The following CTNNA3 variants were observed in gnomAD, a reference collection of about 807,000 sequenced individuals.
CTNNA3 encodes catenin alpha 3.
A neutral mutation model predicts 95.7 loss-of-function variants in CTNNA3; 76 were observed. The observed-to-expected ratio is 0.79, with a 90% CI of 0.66 to 0.96. CTNNA3 has a LOEUF of 0.96. CTNNA3 is among the 40% of genes least tolerant of loss of function. CTNNA3 has a pLI of 0.00. For missense variants in CTNNA3, 1,191 were observed against 1,089.8 expected (o/e 1.09, Z -1.31); for synonymous variants, 431 against 374.4 (o/e 1.15, Z -1.74).
chr10:66,952,032 C>A (rs1013874900), intron 7 of CTNNA3, among the ~76,000 whole-genome samples: 1 of 152,126 alleles, frequency 6.6e-6, no homozygotes, highest in Non-Finnish European at 1.5e-5. Flanking sequence ...ATTCCAGATC[C>A]GTGACATTCA....
chr10:67,713,206 G>C (rs1298855569), intron 1 of CTNNA3, among the ~76,000 whole-genome samples: 3 of 152,234 alleles, frequency 2.0e-5, no homozygotes, highest in Non-Finnish European at 2.9e-5. Flanking sequence ...CTGGTCATTA[G>C]AGAAATGCAA....
chr10:67,563,471 C>T (rs1050493630), intron 3 of CTNNA3, among the ~76,000 whole-genome samples: 33 of 152,140 alleles, frequency 2.2e-4, no homozygotes, highest in African/African-American at 7.7e-4. Flanking sequence ...CCCTTCCTTA[C>T]ACCTTATACA....
chr10:66,348,456 G>A (rs983695384), intron 12 of CTNNA3, among the ~76,000 whole-genome samples: 24 of 152,006 alleles, frequency 1.6e-4, no homozygotes, highest in African/African-American at 5.3e-4. Context: ...GTGTGATAAT[G>A]TATATACAAT....
At chr10:67,095,293 T>C (rs1374761622) in intron 7 of CTNNA3, among the ~76,000 whole-genome samples, 1 of 151,692 alleles carries the variant, frequency 6.6e-6, no homozygotes, top group Non-Finnish European at 1.5e-5. Context: ...ATGTTAAACA[T>C]TCACGTTGCT....
intron 7 of CTNNA3, among the ~76,000 whole-genome samples, chr10:66,808,552 C>G (rs1035118856): frequency 1.3e-5 from 2 of 152,144 alleles, no homozygotes; most frequent in African/African-American, 4.8e-5. Flanking sequence ...TGAGGTTTTA[C>G]TTTCCAAAGA....
chr10:67,412,123 T>C (rs1845389368), intron 5 of CTNNA3, among the ~76,000 whole-genome samples: 1 of 152,136 alleles, frequency 6.6e-6, no homozygotes, highest in East Asian at 1.9e-4. Context: ...TACACTCCAT[T>C]GAGTTGGCAA....
intron 12 of CTNNA3, among the ~76,000 whole-genome samples, chr10:66,358,050 A>T (rs1443983683): frequency 1.3e-5 from 2 of 152,130 alleles, no homozygotes; most frequent in African/African-American, 4.8e-5. Context: ...TGTTTGTAGT[A>T]TTTTATTATT....
At chr10:65,945,411 C>G (rs192472353) in intron 17 of CTNNA3, among the ~76,000 whole-genome samples, 1 of 152,262 alleles carries the variant, frequency 6.6e-6, no homozygotes, top group Admixed American at 6.5e-5. Context: ...TTGATTGATA[C>G]TTCACGAATT....
chr10:66,359,908 C>T (rs1172708770), intron 12 of CTNNA3, among the ~76,000 whole-genome samples: 1 of 151,496 alleles, frequency 6.6e-6, no homozygotes, highest in Non-Finnish European at 1.5e-5. Flanking sequence ...CTCACTGCAA[C>T]CTCTGCCTCC....
Position 66,010,238 on chromosome 10 carries a change from A to G in CTNNA3, c.2160-21441T>C, listed in dbSNP as rs555769570. Among the ~76,000 whole-genome samples, 7 of 152,314 alleles carry G rather than the reference A, an allele frequency of 4.6e-5. No individual in the cohort carries two copies. In the East Asian group the frequency reaches 1.2e-3, roughly 25 times the overall value. On this transcript the variant is annotated intron_variant, in intron 15 of 17. Transcript: ENST00000433211. ...CTTTCCCTTGGCTAAATCAGTTCCA[A>G]ATAGAAACTGTCAATGACCATAAGG...
chr10:67,641,521 G>C (rs1839532679), intron 2 of CTNNA3, among the ~76,000 whole-genome samples: 1 of 152,144 alleles, frequency 6.6e-6, no homozygotes, highest in Non-Finnish European at 1.5e-5. Flanking sequence ...ATACCCAAAG[G>C]ATTATAAATC....
chr10:66,955,132 T>C (rs1431278831), intron 7 of CTNNA3, among the ~76,000 whole-genome samples: 1 of 152,158 alleles, frequency 6.6e-6, no homozygotes, highest in Non-Finnish European at 1.5e-5. Context: ...CAGAAACTTT[T>C]CCTAGGTGCC....
intron 10 of CTNNA3, among the ~76,000 whole-genome samples, chr10:66,522,882 T>C (rs1378712092): frequency 5.9e-5 from 9 of 152,080 alleles, no homozygotes; most frequent in Non-Finnish European, 1.2e-4. Context: ...TCTCATACAA[T>C]GACAACAATA....
intron 7 of CTNNA3, among the ~76,000 whole-genome samples, chr10:66,919,104 C>T (rs556506606): frequency 5.6e-5 from 8 of 143,910 alleles, no homozygotes; most frequent in Non-Finnish European, 1.2e-4. Context: ...CACTGAACTC[C>T]AGCCTGGGTG....
intron 6 of CTNNA3, among the ~76,000 whole-genome samples, chr10:67,217,065 A>C (rs1864403120): frequency 6.6e-6 from 1 of 152,250 alleles, no homozygotes; most frequent in African/African-American, 2.4e-5. Flanking sequence ...AGAATGAAAA[A>C]TTTAACAAAA....
chr10:67,086,746 A>T (rs1193822964), intron 7 of CTNNA3, among the ~76,000 whole-genome samples: 1 of 152,012 alleles, frequency 6.6e-6, no homozygotes, highest in African/African-American at 2.4e-5. Flanking sequence ...CCTATCAGTC[A>T]TAGATATGGA....
intron 9 of CTNNA3, among the ~76,000 whole-genome samples, chr10:66,635,990 C>CTGTGTGTGTGTGTGTGTGTG (rs10527642): frequency 4.6e-4 from 67 of 145,944 alleles, no homozygotes; most frequent in Admixed American, 1.4e-3. Context: ...TGGAAGAACA[C>CTGTGTGTGTGTGTGTGTGTG]TGTGTGTGTG....
intron 17 of CTNNA3, among the ~76,000 whole-genome samples, chr10:65,953,318 G>A (rs976598501): frequency 6.6e-6 from 1 of 151,782 alleles, no homozygotes; most frequent in Non-Finnish European, 1.5e-5. Context: ...AGATGACTAG[G>A]GGAACTGAAC....
At chr10:67,026,177 G>A (rs1853374340) in intron 7 of CTNNA3, among the ~76,000 whole-genome samples, 1 of 151,094 alleles carries the variant, frequency 6.6e-6, no homozygotes, top group South Asian at 2.1e-4. Flanking sequence ...GTTAATGGGT[G>A]CAGCACACCA....
Sources: allele counts gnomAD v4.1 joint callset (sites outside exome capture counted in the v4.1 genomes callset), GRCh38; gene constraint gnomAD v4.1.1; transcripts MANE v1.5; gene names NCBI Gene and HGNC (gene_info 2026-07-23, HGNC 2026-07-21).